The following ZNF333 variants were observed in gnomAD, a reference collection of about 807,000 sequenced individuals.
ZNF333 encodes zinc finger protein 333.
In ZNF333, 61 loss-of-function variants were observed where a neutral mutation model predicts 76.1. The observed-to-expected ratio is 0.80, with a 90% confidence interval of 0.65 to 0.99. The LOEUF is 0.99. Ranked by LOEUF, ZNF333 falls within the 50% of genes least tolerant of loss-of-function variation. The pLI, the probability that ZNF333 is intolerant of heterozygous loss-of-function variation, is 0.00. For missense variants in ZNF333, 717 were observed against 822.4 expected, an observed-to-expected ratio of 0.87 and a Z score of 1.57; for synonymous variants, 284 against 305.0, an observed-to-expected ratio of 0.93 and a Z score of 0.72.
In ZNF333 at chr19:14,719,273, G is replaced by A; in HGVS notation, c.1946G>A (p.Gly649Asp). The change falls in exon 12 of 12, where the codon GGC becomes GAC. Residue 649 changes from glycine (G) to aspartate (D), a missense_variant. Physicochemically the swap from Gly to Asp is moderately conservative, Grantham distance 94. Coordinates refer to ENST00000292530, the MANE Select transcript of ZNF333 (RefSeq NM_032433.4). The stretch of plus-strand genomic sequence containing the variant: ...GTGGGAAGAGAGACCATTAGGAATG[G>A]CAGCCTGCCTTTATCCATGTCTCAT... ...THVGRETIRN[G>D]SLPLSMSHPY... 1.2e-6 allele frequency: 2 copies of A among 1,614,092 alleles called. No individual in the cohort carries two copies. The highest frequency in any genetic ancestry group is 8.5e-7 in the Non-Finnish European group (1 of 1,179,996).
At position 14,695,084 on chromosome 19, in the gene ZNF333, C is replaced by G. The variant is rs200747766; in HGVS notation, c.78C>G (p.Ser26Arg). The change falls in exon 3 of 12, where the codon AGC becomes AGG. Residue 26 changes from serine (S) to arginine (R), a missense_variant. Ser to Arg is a moderately radical substitution (Grantham distance 110). Transcript: ENST00000292530. The part of the protein sequence containing the change: ...EWALLDSARR[S>R]LCKYRMLDQC... ...CATTGCTGGACAGCGCACGGAGGAG[C>G]CTGTGCAAATACAGGATGCTTGACC... 291 of 1,613,978 alleles carry G rather than the reference C, an allele frequency of 1.8e-4. No individual in the cohort carries two copies. The highest frequency in any genetic ancestry group is 8.5e-6 in the Non-Finnish European group (10 of 1,179,986).
intron 7 of ZNF333, chr19:14,709,058 C>G (rs764822718): frequency 1.3e-5 from 2 of 152,356 alleles, no homozygotes; most frequent in African/African-American, 4.8e-5. Flanking sequence ...TGAGTGAGTT[C>G]TCACGAGATC....
intron 5 of ZNF333, 57 bp from the exon 6 acceptor site, chr19:14,704,997 T>A: frequency 6.4e-7 from 1 of 1,554,728 alleles, no homozygotes; most frequent in Non-Finnish European, 8.8e-7. Flanking sequence ...TCTCTCGGGC[T>A]GAGAACAGCT....
At chr19:14,707,881 C>G (rs918549278) in intron 7 of ZNF333, 3 of 399,930 alleles carry the variant, frequency 7.5e-6, no homozygotes, top group African/African-American at 6.2e-5. Flanking sequence ...GTGCCATCCA[C>G]TCTTGTGTCT....
At chr19:14,706,893 A>G in intron 7 of ZNF333, 120 bp downstream of exon 7, 1 of 762,074 alleles carries the variant, frequency 1.3e-6, no homozygotes, top group Non-Finnish European at 2.1e-6. Flanking sequence ...CCGTGGCACC[A>G]TAGAGAGGAT....
intron 2 of ZNF333, among the ~76,000 whole-genome samples, chr19:14,693,888 G>A (rs1350874481): frequency 1.3e-5 from 2 of 151,640 alleles, no homozygotes; most frequent in African/African-American, 4.9e-5. Context: ...GTTGAGGTGG[G>A]AGGATAGCTT....
At chr19:14,716,037 T>C (rs4078586) in intron 8 of ZNF333, 75 bp from the exon 9 acceptor site, 1,024,581 of 1,590,538 alleles carry the variant, frequency 0.64, 336,509 homozygotes, top group African/African-American at 0.88. Context: ...TTCCCCAGGC[T>C]TGCCAGCCTC....
intron 5 of ZNF333, chr19:14,701,487 C>T (rs2041957053): frequency 1.4e-6 from 1 of 737,164 alleles, no homozygotes; most frequent in South Asian, 6.1e-5. Flanking sequence ...GTCATGTAGC[C>T]CCCAGTGCTT....
chr19:14,717,740 C>T lies in ZNF333; in HGVS notation c.900+7C>T, dbSNP rs1398635159. ...GTCCATTGATGTGAAAGGGGTAAGGCTCACCAGGGATTATTCATGGTTCTC... is the reference window on the plus strand; with the variant it reads ...GTCCATTGATGTGAAAGGGGTAAGGTTCACCAGGGATTATTCATGGTTCTC... On this transcript the variant is annotated splice_region_variant and intron_variant, in intron 11 of 11. Transcript: ENST00000292530. 14 of 1,612,898 alleles carry T rather than the reference C, an allele frequency of 8.7e-6. No homozygotes were observed. In the Admixed American group the frequency reaches 2.3e-4, roughly 27 times the overall value.
intron 5 of ZNF333, 76 bp from the exon 6 acceptor site, chr19:14,704,978 A>C: frequency 6.8e-7 from 1 of 1,465,698 alleles, no homozygotes; most frequent in Non-Finnish European, 9.4e-7. Flanking sequence ...CTAAGCCCCA[A>C]ACCAAAGGTC....
chr19:14,690,757 C>A (rs1972704170), intron 1 of ZNF333, among the ~76,000 whole-genome samples: 1 of 152,140 alleles, frequency 6.6e-6, no homozygotes, highest in African/African-American at 2.4e-5. Context: ...GCATCTCTTC[C>A]TTTTCCATAA....
chr19:14,690,653 A>C (rs1410117023), intron 1 of ZNF333, among the ~76,000 whole-genome samples: 1 of 152,254 alleles, frequency 6.6e-6, no homozygotes, highest in East Asian at 1.9e-4. Flanking sequence ...AATTGAATGC[A>C]TCCTCCATTA....
chr19:14,713,890 G>C (rs1402224940), intron 7 of ZNF333, among the ~76,000 whole-genome samples: 1 of 152,236 alleles, frequency 6.6e-6, no homozygotes, highest in Non-Finnish European at 1.5e-5. Flanking sequence ...GGGCCCAGGA[G>C]TTTGAGGCTG....
chr19:14,708,064 G>T, intron 7 of ZNF333: 1 of 395,208 alleles, frequency 2.5e-6, no homozygotes, highest in Non-Finnish European at 4.5e-6. Flanking sequence ...CTGGAGTGCA[G>T]TGGCACGATC....
intron 11 of ZNF333, among the ~76,000 whole-genome samples, chr19:14,729,813 T>G (rs1262533957): frequency 6.6e-6 from 1 of 152,212 alleles, no homozygotes; most frequent in Non-Finnish European, 1.5e-5. Flanking sequence ...AGGCATACAT[T>G]AATTTGCTAG....
chr19:14,715,639 C>T (rs1488610764), intron 8 of ZNF333, among the ~76,000 whole-genome samples, 169 bp downstream of exon 8: 1 of 152,198 alleles, frequency 6.6e-6, no homozygotes, highest in East Asian at 1.9e-4. Context: ...GATCCCACCA[C>T]CTCATTCAGA....
intron 2 of ZNF333, among the ~76,000 whole-genome samples, chr19:14,693,908 A>G (rs1210052281): frequency 6.7e-6 from 1 of 149,170 alleles, no homozygotes; most frequent in Non-Finnish European, 1.5e-5. Context: ...TGAGCCCAGG[A>G]GATTGAGGCT....
chr19:14,723,969 T>C (rs2042618161), downstream of ZNF333, among the ~76,000 whole-genome samples: 1 of 152,208 alleles, frequency 6.6e-6, no homozygotes, highest in African/African-American at 2.4e-5. Flanking sequence ...ACAGATCAGC[T>C]GTTCATCTTG....
At position 14,719,547 on chromosome 19, in the gene ZNF333, T is replaced by C. The variant is rs752609174; in HGVS notation, c.*222T>C. 1.8e-6 allele frequency: 2 copies of C among 1,092,552 alleles called. No individual in the cohort carries two copies. The highest frequency in any genetic ancestry group is 1.9e-5 in the South Asian group (1 of 52,404). 67.7% of individuals were successfully genotyped at this position (1,092,552 alleles called of 1,614,324 possible). ...ATTTTCATAGAGGTATAATGACTTA[T>C]AGTGAAATGCATACATCTGAAGTGT... On this transcript the variant is annotated 3_prime_UTR_variant, in exon 12 of 12. Transcript: ENST00000292530.
Sources: allele counts gnomAD v4.1 joint callset (sites outside exome capture counted in the v4.1 genomes callset), GRCh38; gene constraint gnomAD v4.1.1; transcripts MANE v1.5; gene names NCBI Gene and HGNC (gene_info 2026-07-23, HGNC 2026-07-21).